Variants in NUP153 observed in about 807,000 individuals in gnomAD.
The protein encoded by NUP153 is nucleoporin 153.
Under a neutral mutation model 134.6 loss-of-function variants are expected in NUP153, and 27 were observed. The observed-to-expected ratio is 0.20, with a 90% confidence interval of 0.15 to 0.28. NUP153 has a LOEUF of 0.28. Ranked by LOEUF, NUP153 falls within the 10% of genes least tolerant of loss-of-function variation. The pLI is 1.00. For missense variants in NUP153, 1,821 were observed against 1,731.3 expected, an observed-to-expected ratio of 1.05 and a Z score of -0.92; for synonymous variants, 640 against 623.5, an observed-to-expected ratio of 1.03 and a Z score of -0.40.
intron 2 of NUP153, among the ~76,000 whole-genome samples, chr6:17,684,450 G>A (rs186747976): frequency 6.6e-4 from 100 of 152,312 alleles, no homozygotes; most frequent in East Asian, 6.4e-3. Flanking sequence ...AAGGGAGTTA[G>A]GGCTTGCTCT....
intron 14 of NUP153, 45 bp downstream of exon 14, chr6:17,646,022 G>T: frequency 2.5e-6 from 2 of 796,028 alleles, no homozygotes; most frequent in Non-Finnish European, 4.2e-6. Context: ...CTAATCTACT[G>T]TATGCAATTG....
At chr6:17,682,015 C>A (rs773838890) in intron 2 of NUP153, among the ~76,000 whole-genome samples, 29 of 152,010 alleles carry the variant, frequency 1.9e-4, no homozygotes, top group Non-Finnish European at 3.8e-4. Context: ...CAAGACCAGC[C>A]TGGGCAACAC....
In NUP153 at chr6:17,628,255, G is replaced by C. The variant is rs966144055; in HGVS notation, c.3544+400C>G. ...TGTTTCTTAATGTTTGATGAGGACT[G>C]GTTATCTGTAACTATTTGTAAATAA... On this transcript the variant is annotated intron_variant, in intron 18 of 21. Transcript: ENST00000262077. The surrounding 1 kb of genome is among the most constrained non-coding windows in gnomAD (Gnocchi z 5.4). Among the ~76,000 whole-genome samples the C allele has an allele frequency of 6.6e-6, 1 of 152,070 alleles. No homozygotes were observed. Among genetic ancestry groups the C allele is most frequent in the African/African-American group, 2.4e-5 (1 of 41,418 alleles).
At chr6:17,666,375 C>T (rs763144906) in intron 8 of NUP153, among the ~76,000 whole-genome samples, 4 of 151,928 alleles carry the variant, frequency 2.6e-5, no homozygotes, top group Admixed American at 6.6e-5. Context: ...ATTAGCCAGG[C>T]GTGGTGGCAT....
chr6:17,617,410 A>G (rs898351846), intron 20 of NUP153, among the ~76,000 whole-genome samples: 4 of 150,950 alleles, frequency 2.6e-5, no homozygotes, highest in African/African-American at 9.8e-5. Flanking sequence ...TACACCAAAC[A>G]TACCCAAAAT....
At chr6:17,642,994 T>C (rs765654663) in intron 14 of NUP153, among the ~76,000 whole-genome samples, 5 of 152,118 alleles carry the variant, frequency 3.3e-5, no homozygotes, top group African/African-American at 9.7e-5. Flanking sequence ...AGAACACAAG[T>C]TGACAGTTAG....
chr6:17,688,788 T>A (rs551370995), intron 1 of NUP153, among the ~76,000 whole-genome samples, 170 bp from the exon 2 acceptor site: 1 of 152,340 alleles, frequency 6.6e-6, no homozygotes, highest in South Asian at 2.1e-4. Flanking sequence ...ATTCTACAGA[T>A]GTGAAATTCT....
Position 17,688,447 on chromosome 6 carries a change from T to G in NUP153, c.283A>C (p.Asn95His). The change falls in exon 2 of 22, where the codon AAT (asparagine) becomes CAT (histidine). Residue 95 changes from asparagine (N) to histidine (H), a missense_variant. Physicochemically the swap from Asn to His is moderately conservative, Grantham distance 68 (BLOSUM62 1). Coordinates refer to ENST00000262077, the MANE Select transcript of NUP153 (RefSeq NM_005124.4). ...GGTGTGATTCTCCCATCAGTAATAT[T>G]AGAGCTCTCCTCATCGGCATATACC... is the stretch of plus-strand genomic sequence containing the variant. Reference protein sequence around the residue: ...HLVYADEESSNITDGRITPEP... With the variant: ...HLVYADEESSHITDGRITPEP... 1 of 1,614,204 alleles carries G rather than the reference T, an allele frequency of 6.2e-7. No individual in the cohort carries two copies. The highest frequency in any genetic ancestry group is 8.5e-7 in the Non-Finnish European group (1 of 1,180,010).
In NUP153 at chr6:17,616,520, C is replaced by G; in HGVS notation, c.4343+7G>C. 1 of 1,597,562 alleles carries G rather than the reference C, an allele frequency of 6.3e-7. No individual in the cohort carries two copies. ...AACTTCTCCATTTCAATAAAAAATTCTCTTACCCCACTGTAAATGCTGCTG... is the reference window on the plus strand; with the variant it reads ...AACTTCTCCATTTCAATAAAAAATTGTCTTACCCCACTGTAAATGCTGCTG... On this transcript the variant is annotated splice_region_variant and intron_variant, in intron 21 of 21. Coordinates refer to ENST00000262077, the MANE Select transcript of NUP153 (RefSeq NM_005124.4).
At chr6:17,672,721 G>T (rs1363938000) in intron 5 of NUP153, among the ~76,000 whole-genome samples, 1 of 152,112 alleles carries the variant, frequency 6.6e-6, no homozygotes, top group Non-Finnish European at 1.5e-5. Context: ...AGGCACACCT[G>T]TAATCTCAGA....
At chr6:17,696,065 T>C (rs1289173139) in intron 1 of NUP153, among the ~76,000 whole-genome samples, 1 of 151,020 alleles carries the variant, frequency 6.6e-6, no homozygotes, top group Non-Finnish European at 1.5e-5. Context: ...TAAAATGAAG[T>C]TGATGTTCCA....
At chr6:17,647,718 T>C in intron 13 of NUP153, 89 bp downstream of exon 13, 1 of 853,412 alleles carries the variant, frequency 1.2e-6, no homozygotes, top group Non-Finnish European at 1.9e-6. Context: ...TAACAGTGTT[T>C]CTCACCACCA....
At chr6:17,676,690 CA>C (rs891992841) in intron 2 of NUP153, among the ~76,000 whole-genome samples, 16 of 150,674 alleles carry the variant, frequency 1.1e-4, no homozygotes, top group Non-Finnish European at 1.9e-4. Flanking sequence ...GAAAACAGCA[CA>C]AAAAAAAACT....
intron 16 of NUP153, among the ~76,000 whole-genome samples, chr6:17,634,197 C>T (rs1765404427): frequency 6.6e-6 from 1 of 152,168 alleles, no homozygotes; most frequent in Non-Finnish European, 1.5e-5. Context: ...TGAAATCCAT[C>T]TTCCTCTGAA....
chr6:17,695,731 T>A (rs1769593639), intron 1 of NUP153, among the ~76,000 whole-genome samples: 3 of 152,154 alleles, frequency 2.0e-5, no homozygotes, highest in Non-Finnish European at 2.9e-5. Flanking sequence ...AACAGGGGGC[T>A]GGGCACGGTG....
At chr6:17,693,280 G>C (rs1769396062) in intron 1 of NUP153, among the ~76,000 whole-genome samples, 1 of 150,188 alleles carries the variant, frequency 6.7e-6, no homozygotes, top group African/African-American at 2.5e-5. Context: ...GCCCATTTTT[G>C]ATAGGCTGTT....
At chr6:17,669,655 T>G (rs1012529625) in intron 5 of NUP153, 109 bp from the exon 6 acceptor site, 47 of 750,892 alleles carry the variant, frequency 6.3e-5, no homozygotes, top group Non-Finnish European at 9.6e-5. Flanking sequence ...AAAACAGGAT[T>G]TAATGCATTA....
chr6:17,682,329 T>C (rs900882711), intron 2 of NUP153, among the ~76,000 whole-genome samples: 1 of 152,188 alleles, frequency 6.6e-6, no homozygotes, highest in Admixed American at 6.5e-5. Context: ...TGCCTCAATG[T>C]TGATGGCTAC....
chr6:17,622,115 G>A (rs192220460), intron 20 of NUP153, among the ~76,000 whole-genome samples: 85 of 152,182 alleles, frequency 5.6e-4, no homozygotes, highest in African/African-American at 2.0e-3. Flanking sequence ...TTTGTTTTGT[G>A]TTTTTTTGGA....
Sources: allele counts gnomAD v4.1 joint callset (sites outside exome capture counted in the v4.1 genomes callset), GRCh38; gene constraint gnomAD v4.1.1; non-coding constraint Gnocchi (gnomAD v3.1); transcripts MANE v1.5; gene names NCBI Gene and HGNC (gene_info 2026-07-23, HGNC 2026-07-21).